The following CASR variants were observed in gnomAD, a reference collection of about 807,000 sequenced individuals.
CASR encodes the protein calcium sensing receptor, also known as extracellular calcium-sensing receptor.
Under a neutral mutation model 69.1 loss-of-function variants are expected in CASR, and 23 were observed. The ratio of observed to expected loss-of-function variants is 0.33; its 90% CI spans 0.24 to 0.47. The LOEUF (loss-of-function observed/expected upper bound fraction) is 0.47. CASR is among the 20% of genes least tolerant of loss of function. The probability of loss-of-function intolerance (pLI) is 1.00; values close to 1 mark genes in which losing one functional copy is unlikely to be tolerated. For synonymous variants in CASR, 541 were observed against 544.7 expected, an observed-to-expected ratio of 0.99 and a Z score of 0.10; for missense variants, 924 against 1,356.1, an observed-to-expected ratio of 0.68 and a Z score of 5.00.
intron 1 of CASR, among the ~76,000 whole-genome samples, chr3:122,223,476 A>C (rs961599255): frequency 6.6e-6 from 1 of 152,174 alleles, no homozygotes; most frequent in Non-Finnish European, 1.5e-5. Flanking sequence ...CTGGAAATCC[A>C]AGCCTCTCAA....
In CASR at chr3:122,254,269, A is replaced by C. The variant is rs1451989725; in HGVS notation, c.80A>C (p.Gln27Pro). Residue 27 changes from glutamine to proline, a missense_variant, in exon 2 of 7, where the codon CAA (glutamine) becomes CCA (proline). Transcript: ENST00000639785. Reference sequence around the variant, plus strand: ...GCCTACGGGCCAGACCAGCGAGCCCAAAAGAAGGGGGACATTATCCTTGGG... The same window carrying C: ...GCCTACGGGCCAGACCAGCGAGCCCCAAAGAAGGGGGACATTATCCTTGGG... Reference protein sequence around the residue: ...TSAYGPDQRAQKKGDIILGGL... With the variant: ...TSAYGPDQRAPKKGDIILGGL... The C allele has an allele frequency of 6.2e-7, 1 of 1,614,088 alleles. No individual in the cohort carries two copies. The highest frequency in any genetic ancestry group is 8.5e-7 in the Non-Finnish European group (1 of 1,180,008).
chr3:122,249,139 C>G (rs935943397), intron 1 of CASR, among the ~76,000 whole-genome samples: 3 of 152,190 alleles, frequency 2.0e-5, no homozygotes, highest in Non-Finnish European at 4.4e-5. Flanking sequence ...ATTTGTGAAT[C>G]ATTTGTGCCA....
At chr3:122,258,499 T>C (rs141936712) in intron 3 of CASR, among the ~76,000 whole-genome samples, 66 of 152,242 alleles carry the variant, frequency 4.3e-4, no homozygotes, top group African/African-American at 1.5e-3. Flanking sequence ...TTTGTAACTT[T>C]TGTGCCAAAG....
intron 4 of CASR, among the ~76,000 whole-genome samples, chr3:122,265,889 G>C (rs951400661): frequency 7.9e-5 from 12 of 152,298 alleles, no homozygotes; most frequent in Non-Finnish European, 1.5e-4. Context: ...AGGAATTCCT[G>C]GTACTGCTGG....
intron 1 of CASR, among the ~76,000 whole-genome samples, chr3:122,208,759 C>A (rs1431265807): frequency 6.6e-6 from 1 of 152,196 alleles, no homozygotes; most frequent in East Asian, 1.9e-4. Flanking sequence ...GCATGTCTGG[C>A]TTCTTTCCCT....
At position 122,261,607 on chromosome 3, in the gene CASR, A is replaced by G. The variant is rs772067555; in HGVS notation, c.572A>G (p.Glu191Gly). The change falls in exon 4 of 7, where the codon GAG becomes GGG. Residue 191 changes from glutamate (E) to glycine (G), a missense_variant. Around this residue, in one of 8 missense-constraint regions of CASR, gnomAD observed 141 missense variants for 283.0 expected, o/e 0.50. Transcript: ENST00000639785. ...TTCCTCCGAACCATCCCCAATGATG[A>G]GCACCAGGCCACTGCCATGGCAGAC... ...KSFLRTIPND[E>G]HQATAMADII... The G allele has an allele frequency of 3.1e-6, 5 of 1,614,084 alleles. No individual in the cohort carries two copies. The highest frequency in any genetic ancestry group is 4.2e-6 in the Non-Finnish European group (5 of 1,180,006).
intron 1 of CASR, among the ~76,000 whole-genome samples, chr3:122,252,448 A>AGAAAGAAAG (rs1288515427): frequency 1.6e-4 from 15 of 96,076 alleles, no homozygotes; most frequent in South Asian, 3.5e-4. Flanking sequence ...AAAGAAAGAA[A>AGAAAGAAAG]AAAAAGAAAA....
chr3:122,220,481 A>G (rs764137440), intron 1 of CASR, among the ~76,000 whole-genome samples: 15 of 152,262 alleles, frequency 9.9e-5, no homozygotes, highest in Non-Finnish European at 1.8e-4. Flanking sequence ...GTATGTCATT[A>G]CCAGCATCCT....
At position 122,275,859 on chromosome 3, in the gene CASR, G is replaced by A. The variant is rs2107643445; in HGVS notation, c.1425G>A (p.Glu475=). Reference sequence around the variant, plus strand: ...TAAACTTTACAAACAATATGGGGGAGCAGGTGACCTTTGATGAGTGTGGTG... The same window carrying A: ...TAAACTTTACAAACAATATGGGGGAACAGGTGACCTTTGATGAGTGTGGTG... ...RHLNFTNNMG[E]QVTFDECGDL... Residue 475 remains glutamate, a synonymous_variant, in exon 5 of 7, where the codon GAG becomes GAA. Transcript: ENST00000639785. 2 of 1,614,128 alleles carry A rather than the reference G, an allele frequency of 1.2e-6. No homozygotes were observed. Among genetic ancestry groups the A allele is most frequent in the Non-Finnish European group, 8.5e-7 (1 of 1,179,976 alleles).
At chr3:122,186,042 A>C (rs937547522) in intron 1 of CASR, among the ~76,000 whole-genome samples, 19 of 151,980 alleles carry the variant, frequency 1.3e-4, no homozygotes, top group Non-Finnish European at 1.8e-4. Context: ...AAACATAGTA[A>C]GTGAAAAAAA....
At chr3:122,236,171 T>C (rs1259441037) in intron 1 of CASR, among the ~76,000 whole-genome samples, 1 of 152,226 alleles carries the variant, frequency 6.6e-6, no homozygotes, top group Non-Finnish European at 1.5e-5. Context: ...GTTTCCACCA[T>C]GTGTGAGGAT....
intron 1 of CASR, among the ~76,000 whole-genome samples, chr3:122,204,889 A>C (rs2073991706): frequency 6.6e-6 from 1 of 152,060 alleles, no homozygotes; most frequent in African/African-American, 2.4e-5. Context: ...AGAAATGTCT[A>C]TTCAGATCTT....
intron 1 of CASR, among the ~76,000 whole-genome samples, chr3:122,198,681 G>T (rs1213579382): frequency 1.3e-5 from 2 of 151,702 alleles, no homozygotes; most frequent in Admixed American, 6.6e-5. Flanking sequence ...ACAACTACTA[G>T]TTTCTTAGTG....
chr3:122,218,677 A>T (rs1233647759), intron 1 of CASR, among the ~76,000 whole-genome samples: 1 of 152,192 alleles, frequency 6.6e-6, no homozygotes, highest in Non-Finnish European at 1.5e-5. Context: ...TGAGCCCCAG[A>T]TGCTCTGCTA....
chr3:122,220,952 C>T (rs924300260), intron 1 of CASR, among the ~76,000 whole-genome samples: 5 of 152,128 alleles, frequency 3.3e-5, no homozygotes, highest in Admixed American at 6.5e-5. Flanking sequence ...CCAGCCTGGG[C>T]GACAGAGAAA....
chr3:122,261,890 G>A lies in CASR; in HGVS notation c.855G>A (p.Arg285=), dbSNP rs1250270901. ...AGCCCCTCATCAAGGAGATTGTCCGGCGCAATATCACGGGCAAGATCTGGC... is the reference window on the plus strand; with the variant it reads ...AGCCCCTCATCAAGGAGATTGTCCGACGCAATATCACGGGCAAGATCTGGC... ...DLEPLIKEIV[R]RNITGKIWLA... Residue 285 remains arginine, a synonymous_variant, in exon 4 of 7, where the codon CGG becomes CGA. Coordinates refer to ENST00000639785, the MANE Select transcript of CASR (RefSeq NM_000388.4). The A allele has an allele frequency of 6.2e-7, 1 of 1,614,222 alleles. No homozygotes were observed. The highest frequency in any genetic ancestry group is 1.7e-5 in the Admixed American group (1 of 60,030).
intron 1 of CASR, among the ~76,000 whole-genome samples, chr3:122,224,631 A>G (rs2074204880): frequency 6.6e-6 from 1 of 152,220 alleles, no homozygotes; most frequent in Non-Finnish European, 1.5e-5. Flanking sequence ...AGCAATTTAC[A>G]GAGTTAATGC....
chr3:122,232,335 G>A (rs1165669433), intron 1 of CASR, among the ~76,000 whole-genome samples: 1 of 152,196 alleles, frequency 6.6e-6, no homozygotes, highest in African/African-American at 2.4e-5. Flanking sequence ...GATGCAGAGA[G>A]CACGAGAGTG....
At chr3:122,222,282 C>CT (rs2074179518) in intron 1 of CASR, among the ~76,000 whole-genome samples, 1 of 152,120 alleles carries the variant, frequency 6.6e-6, no homozygotes, top group Non-Finnish European at 1.5e-5. Context: ...TTTTAATAGC[C>CT]TGTGTACTCT....
Sources: gnomAD v4.1 joint callset for allele counts (sites outside exome capture counted in the v4.1 genomes callset) on GRCh38, gnomAD v4.1.1 for gene constraint, gnomAD v4.1.1 regional missense constraint, MANE v1.5 for transcripts, NCBI Gene and HGNC (gene_info 2026-07-23, HGNC 2026-07-21) for gene names.